Variants in AKAP6 observed in about 807,000 individuals in gnomAD.
The protein encoded by AKAP6 is A-kinase anchoring protein 6, also known as A-kinase anchor protein 6.
Under a neutral mutation model 188.5 loss-of-function variants are expected in AKAP6, and 58 were observed. The observed-to-expected ratio is 0.31, with a 90% confidence interval of 0.25 to 0.38. The LOEUF (loss-of-function observed/expected upper bound fraction) is 0.38, where lower values mean the gene tolerates loss of function less well. AKAP6 is among the 10% of genes least tolerant of loss of function. The probability of loss-of-function intolerance (pLI) is 1.00; values close to 1 mark genes in which losing one functional copy is unlikely to be tolerated. For missense variants in AKAP6, 2,710 were observed against 2,740.0 expected (o/e 0.99, Z 0.24); for synonymous variants, 989 against 998.6 (o/e 0.99, Z 0.18).
At chr14:32,801,086 A>G (rs1442045774) in intron 12 of AKAP6, among the ~76,000 whole-genome samples, 2 of 152,170 alleles carry the variant, frequency 1.3e-5, no homozygotes, top group Non-Finnish European at 2.9e-5. Context: ...TCTTTTGTCT[A>G]TTCTGGCAAT....
chr14:32,579,668 T>G (rs1237928210), intron 5 of AKAP6, among the ~76,000 whole-genome samples: 1 of 152,110 alleles, frequency 6.6e-6, no homozygotes, highest in Non-Finnish European at 1.5e-5. Flanking sequence ...TTCAATCAAA[T>G]TCTTAGTTTT....
chr14:32,525,407 C>T (rs562078501), intron 2 of AKAP6, among the ~76,000 whole-genome samples: 6 of 152,280 alleles, frequency 3.9e-5, no homozygotes, highest in African/African-American at 1.4e-4. Context: ...TTGTATATGG[C>T]CAGGTATATC....
At chr14:32,706,478 C>T (rs1025037307) in intron 9 of AKAP6, among the ~76,000 whole-genome samples, 1 of 152,004 alleles carries the variant, frequency 6.6e-6, no homozygotes, top group Non-Finnish European at 1.5e-5. Context: ...GCACTAAAGG[C>T]AGCATTGCCC....
At chr14:32,728,829 T>C (rs1006896728) in intron 9 of AKAP6, among the ~76,000 whole-genome samples, 2 of 152,116 alleles carry the variant, frequency 1.3e-5, no homozygotes, top group Admixed American at 1.3e-4. Flanking sequence ...CTTTTTTCTT[T>C]CCTCTTCTGA....
chr14:32,805,858 A>T (rs1038392148), intron 12 of AKAP6, among the ~76,000 whole-genome samples: 1 of 152,244 alleles, frequency 6.6e-6, no homozygotes, highest in African/African-American at 2.4e-5. Flanking sequence ...GGGGGTTAAC[A>T]TTGAAATACC....
chr14:32,437,504 TA>T (rs915922531), intron 2 of AKAP6, among the ~76,000 whole-genome samples: 1 of 152,112 alleles, frequency 6.6e-6, no homozygotes, highest in African/African-American at 2.4e-5. Flanking sequence ...GCTCTTTAAT[TA>T]AATGTCCTTT....
chr14:32,767,970 G>A (rs911490081), intron 11 of AKAP6, among the ~76,000 whole-genome samples: 1 of 152,186 alleles, frequency 6.6e-6, no homozygotes, highest in African/African-American at 2.4e-5. Flanking sequence ...TGAGGAATCA[G>A]TGTCTTCTCT....
intron 9 of AKAP6, among the ~76,000 whole-genome samples, chr14:32,700,684 G>A (rs1566654899): frequency 6.6e-6 from 1 of 152,128 alleles, no homozygotes; most frequent in Non-Finnish European, 1.5e-5. Context: ...TGTAGCCTAG[G>A]AGCAATAGGC....
Position 32,331,188 on chromosome 14 carries a change from T to C in AKAP6, c.-35+1780T>C, listed in dbSNP as rs189423441. Among the ~76,000 whole-genome samples, 144 of 152,170 alleles carry C rather than the reference T, an allele frequency of 9.5e-4. 3 individuals carry two copies. In the East Asian group the frequency reaches 0.026, roughly 27 times the overall value. ...ATGAAGAAAGACTTGTTTGGTAACA[T>C]GAATTTCTAGGAGTAAAAAAAAGCA... On this transcript the variant is annotated intron_variant, in intron 1 of 13. Transcript: ENST00000280979.
intron 12 of AKAP6, among the ~76,000 whole-genome samples, chr14:32,774,859 T>C (rs1278942264): frequency 6.6e-6 from 1 of 152,208 alleles, no homozygotes; most frequent in Non-Finnish European, 1.5e-5. Flanking sequence ...AAAAATCAAA[T>C]GTAAAAATCA....
intron 10 of AKAP6, among the ~76,000 whole-genome samples, chr14:32,734,852 T>A (rs2031340389): frequency 6.6e-6 from 1 of 152,156 alleles, no homozygotes; most frequent in Non-Finnish European, 1.5e-5. Flanking sequence ...TAAAGCTTAT[T>A]TTTGTAGGTT....
chr14:32,584,776 G>C (rs372540864), intron 5 of AKAP6, among the ~76,000 whole-genome samples: 4 of 152,190 alleles, frequency 2.6e-5, no homozygotes, highest in East Asian at 3.9e-4. Context: ...CTTACATTCA[G>C]TGTACTTATT....
intron 1 of AKAP6, chr14:32,385,278 A>C (rs1191495290): frequency 2.0e-5 from 3 of 152,128 alleles, no homozygotes; most frequent in Non-Finnish European, 4.4e-5. Flanking sequence ...CAGGTCCCAT[A>C]GCCATAAAAG....
intron 12 of AKAP6, among the ~76,000 whole-genome samples, chr14:32,819,046 C>A (rs1271867573): frequency 2.0e-5 from 3 of 152,080 alleles, no homozygotes; most frequent in Non-Finnish European, 2.9e-5. Flanking sequence ...ATTAGTACTT[C>A]CTTTATCAGC....
chr14:32,333,459 A>G (rs1886596201), intron 1 of AKAP6, among the ~76,000 whole-genome samples: 1 of 152,168 alleles, frequency 6.6e-6, no homozygotes, highest in Non-Finnish European at 1.5e-5. Flanking sequence ...GCTACATTCT[A>G]GAGGGGAAGG....
intron 7 of AKAP6, among the ~76,000 whole-genome samples, chr14:32,656,644 A>G (rs745608818): frequency 5.9e-5 from 9 of 152,122 alleles, no homozygotes; most frequent in Admixed American, 1.3e-4. Context: ...GTGTAGAGCA[A>G]TCTTTCGCTC....
chr14:32,362,970 A>C (rs551680625), intron 1 of AKAP6, among the ~76,000 whole-genome samples: 41 of 152,272 alleles, frequency 2.7e-4, no homozygotes, highest in Non-Finnish European at 5.3e-4. Context: ...GACTTTGATC[A>C]AAGTAGGACT....
intron 12 of AKAP6, among the ~76,000 whole-genome samples, chr14:32,784,798 T>G (rs2140030039): frequency 6.6e-6 from 1 of 152,308 alleles, no homozygotes; most frequent in East Asian, 1.9e-4. Context: ...CAGGCGTATC[T>G]GACTCCAAGA....
At chr14:32,626,275 C>G (rs754145816) in intron 7 of AKAP6, among the ~76,000 whole-genome samples, 3 of 152,104 alleles carry the variant, frequency 2.0e-5, no homozygotes, top group African/African-American at 7.2e-5. Flanking sequence ...TTGGCATTGT[C>G]TACCCCAACC....
Sources: gnomAD v4.1 joint callset for allele counts (sites outside exome capture counted in the v4.1 genomes callset) on GRCh38, gnomAD v4.1.1 for gene constraint, MANE v1.5 for transcripts, NCBI Gene and HGNC (gene_info 2026-07-23, HGNC 2026-07-21) for gene names.